Variants in NFXL1 observed in about 807,000 individuals in gnomAD.
NFXL1 encodes the protein NF-X1-type zinc finger protein NFXL1.
NFXL1 carries 66 observed loss-of-function variants against 123.3 expected under a neutral mutation model. The ratio of observed to expected loss-of-function variants is 0.54; its 90% confidence interval spans 0.44 to 0.66. The LOEUF (loss-of-function observed/expected upper bound fraction) is 0.66, where lower values mean the gene tolerates loss of function less well. NFXL1 is among the 30% of genes least tolerant of loss of function. The pLI is 0.00. For missense variants in NFXL1, 944 were observed against 1,125.6 expected (o/e 0.84, Z 2.31); for synonymous variants, 346 against 360.8 (o/e 0.96, Z 0.46).
In NFXL1 at chr4:47,914,145, G is replaced by C. The variant is rs1334958241; in HGVS notation, c.59C>G (p.Thr20Ser). The change falls in exon 2 of 23, where the codon ACT (threonine) becomes AGT (serine). Residue 20 changes from threonine to serine, a missense_variant. Transcript: ENST00000507489. ...GGRGRSRGRATAAPSGNGVHL... is the reference protein window; with the variant it reads ...GGRGRSRGRASAAPSGNGVHL... ...GACTCCATTTCCTGAGGGGGCGGCA[G>C]TGGCCCGTCCCCGGGATCGGCCTCG... is the stretch of plus-strand genomic sequence containing the variant. The C allele has an allele frequency of 1.9e-6, 3 of 1,553,200 alleles. No homozygotes were observed. The highest frequency in any genetic ancestry group is 2.6e-6 in the Non-Finnish European group (3 of 1,148,374).
chr4:47,877,299 A>C (rs948586688), intron 17 of NFXL1: 7 of 389,640 alleles, frequency 1.8e-5, no homozygotes, highest in Non-Finnish European at 3.6e-5. Flanking sequence ...GATCACTTCC[A>C]ATATCAAGTT....
intron 12 of NFXL1, among the ~76,000 whole-genome samples, chr4:47,887,973 T>TA (rs934808977): frequency 9.5e-5 from 14 of 147,704 alleles, no homozygotes; most frequent in East Asian, 2.0e-4. Flanking sequence ...ATCCTGAATT[T>TA]AAAAAAAAAA....
intron 20 of NFXL1, among the ~76,000 whole-genome samples, chr4:47,852,764 T>C (rs1404919311): frequency 1.3e-5 from 2 of 152,062 alleles, no homozygotes; most frequent in Non-Finnish European, 2.9e-5. Flanking sequence ...TACATCTATC[T>C]TTTATTCATT....
intron 18 of NFXL1, among the ~76,000 whole-genome samples, chr4:47,869,964 A>C (rs1235545583): frequency 2.0e-5 from 3 of 152,122 alleles, no homozygotes; most frequent in Admixed American, 2.0e-4. Context: ...AATCTAGATG[A>C]AATAGATAAT....
At chr4:47,896,415 A>G (rs1737088185) in intron 10 of NFXL1, 108 bp downstream of exon 10, 2 of 807,476 alleles carry the variant, frequency 2.5e-6, no homozygotes, top group Admixed American at 2.2e-5. Context: ...ATACATCATG[A>G]CACAGATGTA....
At chr4:47,899,812 G>C (rs1737285800) in intron 5 of NFXL1, among the ~76,000 whole-genome samples, 2 of 152,196 alleles carry the variant, frequency 1.3e-5, no homozygotes, top group African/African-American at 4.8e-5. Context: ...CACATACTGT[G>C]AGCACTTGAA....
At chr4:47,893,613 A>G (rs1000622964) in intron 11 of NFXL1, among the ~76,000 whole-genome samples, 1 of 152,124 alleles carries the variant, frequency 6.6e-6, no homozygotes, top group African/African-American at 2.4e-5. Context: ...TTTTTCACAA[A>G]GACTAAAGCA....
In NFXL1 at chr4:47,887,748, A is replaced by T. The variant is rs565295459; in HGVS notation, c.1544-1749T>A. ...ACGTAACCTTTTTGTTATTCTAAAC[A>T]ACAGTATCACATTTAAATTACATCT... On this transcript the variant is annotated intron_variant, in intron 12 of 22. Coordinates refer to ENST00000507489, the MANE Select transcript of NFXL1 (RefSeq NM_001278624.2). Among the ~76,000 whole-genome samples, 3 of 152,336 alleles carry T rather than the reference A, an allele frequency of 2.0e-5. No individual in the cohort carries two copies. In the South Asian group the frequency reaches 6.2e-4, roughly 32 times the overall value.
intron 19 of NFXL1, among the ~76,000 whole-genome samples, chr4:47,862,489 A>T (rs555633148): frequency 7.2e-5 from 11 of 152,266 alleles, no homozygotes; most frequent in African/African-American, 2.6e-4. Context: ...CCCTATTTTT[A>T]AAAATAACCT....
chr4:47,900,505 C>A (rs1187415976), intron 5 of NFXL1, among the ~76,000 whole-genome samples: 1 of 151,994 alleles, frequency 6.6e-6, no homozygotes, highest in Non-Finnish European at 1.5e-5. Context: ...CCACTGTGCC[C>A]AGCCCAAAAA....
chr4:47,869,366 C>G (rs965244749), intron 18 of NFXL1, among the ~76,000 whole-genome samples: 4 of 152,148 alleles, frequency 2.6e-5, no homozygotes, highest in Non-Finnish European at 5.9e-5. Flanking sequence ...TACGATATTA[C>G]ATCTTCTCAA....
intron 21 of NFXL1, 109 bp downstream of exon 21, chr4:47,851,747 A>C (rs1734130734): frequency 1.4e-6 from 1 of 711,280 alleles, no homozygotes; most frequent in Non-Finnish European, 2.3e-6. Context: ...GGCTTTTATT[A>C]TAAAAGCAAA....
chr4:47,898,774 G>C lies in NFXL1; in HGVS notation c.1072C>G (p.Leu358Val). Residue 358 changes from leucine (L) to valine (V), a missense_variant, in exon 8 of 23, where the codon CTA (leucine) becomes GTA (valine). Transcript: ENST00000507489. ...AAACTTACTTGATCACAGTGCCATA[G>C]TGGACTTGCACAACTTCTTTCAGCT... ...KVAERSCASP[L>V]WHCDQVCGKT... 2 of 1,602,882 alleles carry C rather than the reference G, an allele frequency of 1.2e-6. No individual in the cohort carries two copies.
In NFXL1 at chr4:47,905,217, A is replaced by C. The variant is rs1161437164; in HGVS notation, c.516+20T>G. 4.8e-6 allele frequency: 5 copies of C among 1,050,486 alleles called. No homozygotes were observed. The highest frequency in any genetic ancestry group is 4.1e-4 in the Middle Eastern group (2 of 4,922). The allele number at this position is 1,050,486 out of a possible 1,614,324, so 65.1% of individuals were successfully genotyped here. On this transcript the variant is annotated intron_variant, in intron 4 of 22. Coordinates refer to ENST00000507489, the MANE Select transcript of NFXL1 (RefSeq NM_001278624.2). ...GTATTTTGGGGAGATACATTAATAT[A>C]AATAAGGAGAAAAACTTACTGCTTG...
chr4:47,910,148 G>A (rs62298267), intron 3 of NFXL1, among the ~76,000 whole-genome samples: 50,044 of 151,892 alleles, frequency 0.33, 9,883 homozygotes, highest in Non-Finnish European at 0.44. Context: ...CAGATAACAC[G>A]AATGTACATG....
At chr4:47,877,142 C>T (rs1381695294) in intron 17 of NFXL1, 1 of 524,338 alleles carries the variant, frequency 1.9e-6, no homozygotes, top group Non-Finnish European at 3.5e-6. Context: ...TGATTTGCTA[C>T]TCTCCTGTTG....
intron 3 of NFXL1, among the ~76,000 whole-genome samples, chr4:47,905,632 C>T (rs1030601515): frequency 4.6e-5 from 7 of 151,642 alleles, no homozygotes; most frequent in African/African-American, 1.7e-4. Flanking sequence ...TTGGCAGAAG[C>T]AGAGCCATAA....
intron 18 of NFXL1, among the ~76,000 whole-genome samples, chr4:47,874,705 T>C (rs1735640055): frequency 1.5e-5 from 1 of 68,050 alleles, no homozygotes; most frequent in African/African-American, 4.6e-5. Flanking sequence ...TCAATGCAGG[T>C]TGACAAACTC....
chr4:47,869,815 C>T (rs967155365), intron 18 of NFXL1, among the ~76,000 whole-genome samples: 2 of 151,932 alleles, frequency 1.3e-5, no homozygotes, highest in East Asian at 3.8e-4. Flanking sequence ...AAAAAATTTA[C>T]TACCTAACAC....
Sources: gnomAD v4.1 joint callset for allele counts (sites outside exome capture counted in the v4.1 genomes callset) on GRCh38, gnomAD v4.1.1 for gene constraint, MANE v1.5 for transcripts, NCBI Gene and HGNC (gene_info 2026-07-23, HGNC 2026-07-21) for gene names.